NBAS: variants seen among roughly 807,000 people sequenced by gnomAD.
NBAS encodes the protein NAG/BC035112 fusion.
NBAS carries 219 observed loss-of-function variants against 302.5 expected under a neutral mutation model. The ratio of observed to expected loss-of-function variants is 0.72; its 90% CI spans 0.65 to 0.81. The LOEUF (loss-of-function observed/expected upper bound fraction) is 0.81. Ranked by LOEUF, NBAS falls within the 30% of genes least tolerant of loss-of-function variation. NBAS has a pLI of 0.00. For missense variants in NBAS, 2,932 were observed against 2,841.6 expected, an observed-to-expected ratio of 1.03 and a Z score of -0.72; for synonymous variants, 1,118 against 1,021.6, an observed-to-expected ratio of 1.09 and a Z score of -1.80.
At chr2:14,913,480 A>T in the NBAS span, among the ~76,000 whole-genome samples, 4,107 of 152,328 alleles carry the variant, frequency 0.027, 199 homozygotes, top group African/African-American at 0.091. Context: ...TAAAACATAT[A>T]GGTGGTGGAG....
chr2:14,917,311 T>G, the NBAS span, among the ~76,000 whole-genome samples: 1 of 152,222 alleles, frequency 6.6e-6, no homozygotes, highest in East Asian at 1.9e-4. Flanking sequence ...CAAAGGGTTT[T>G]GGACTGAAAG....
the NBAS span, among the ~76,000 whole-genome samples, chr2:14,991,141 C>T: frequency 2.0e-5 from 3 of 152,028 alleles, no homozygotes; most frequent in South Asian, 2.1e-4. Flanking sequence ...CATGGGAGAA[C>T]GTGGGGACAT....
chr2:14,833,275 T>A, the NBAS span, among the ~76,000 whole-genome samples: 3 of 152,146 alleles, frequency 2.0e-5, no homozygotes, highest in Non-Finnish European at 4.4e-5. Flanking sequence ...GCCAAGTCCA[T>A]ACCGATACAT....
the NBAS span, among the ~76,000 whole-genome samples, chr2:14,989,355 C>G: frequency 6.8e-6 from 1 of 146,348 alleles, no homozygotes; most frequent in African/African-American, 2.5e-5. Context: ...GTCAGAAGTG[C>G]GAGACCAGCC....
the NBAS span, among the ~76,000 whole-genome samples, chr2:15,056,520 G>A: frequency 6.6e-6 from 1 of 152,336 alleles, no homozygotes; most frequent in East Asian, 1.9e-4. Context: ...TCGAATGGGA[G>A]TGTTTGTGTC....
intron 42 of NBAS, among the ~76,000 whole-genome samples, chr2:15,280,730 C>G (rs1669787650): frequency 6.6e-6 from 1 of 152,132 alleles, no homozygotes; most frequent in Admixed American, 6.5e-5. Flanking sequence ...AAGGCTAACC[C>G]TAAGAGCATG....
the NBAS span, among the ~76,000 whole-genome samples, chr2:15,061,694 C>T: frequency 6.6e-6 from 1 of 152,202 alleles, no homozygotes; most frequent in African/African-American, 2.4e-5. Context: ...TAGCATACTC[C>T]AGAAGGCTGT....
the NBAS span, among the ~76,000 whole-genome samples, chr2:14,974,506 T>C: frequency 2.0e-5 from 3 of 152,348 alleles, no homozygotes; most frequent in Non-Finnish European, 4.4e-5. Flanking sequence ...GATGAGCTAA[T>C]TGACTATCCT....
chr2:14,923,605 T>C, the NBAS span, among the ~76,000 whole-genome samples: 2 of 152,158 alleles, frequency 1.3e-5, no homozygotes, highest in African/African-American at 4.8e-5. Context: ...TAGGGGTGTA[T>C]CCATTAGACA....
chr2:15,494,601 A>G (rs1680996912), intron 11 of NBAS, among the ~76,000 whole-genome samples: 1 of 152,208 alleles, frequency 6.6e-6, no homozygotes, highest in Admixed American at 6.5e-5. Flanking sequence ...TCTAACTAGT[A>G]CTTTACCTAG....
At chr2:14,951,667 A>G in the NBAS span, among the ~76,000 whole-genome samples, 1 of 152,238 alleles carries the variant, frequency 6.6e-6, no homozygotes, top group Admixed American at 6.5e-5. Context: ...GCTCCCTTTT[A>G]TTGAATACTG....
intron 28 of NBAS, chr2:15,393,610 G>GAAATGAAAGCGTATGGCTACAC: frequency 2.4e-6 from 1 of 423,312 alleles, no homozygotes; most frequent in Non-Finnish European, 4.9e-6. Flanking sequence ...TTGTCTGAGA[G>GAAATGAAAGCGTATGGCTACAC]AAATGAAAGC....
intron 25 of NBAS, among the ~76,000 whole-genome samples, chr2:15,404,362 C>T (rs1676303169): frequency 6.6e-6 from 1 of 152,042 alleles, no homozygotes; most frequent in Non-Finnish European, 1.5e-5. Flanking sequence ...GAAAACATCC[C>T]TGGAAGATAA....
intron 40 of NBAS, among the ~76,000 whole-genome samples, chr2:15,296,938 C>G (rs891899344): frequency 5.9e-5 from 9 of 152,250 alleles, no homozygotes; most frequent in African/African-American, 2.2e-4. Context: ...TTAACCTCTT[C>G]TCACTTACTA....
At chr2:14,917,548 T>A in the NBAS span, among the ~76,000 whole-genome samples, 1 of 152,218 alleles carries the variant, frequency 6.6e-6, no homozygotes, top group Non-Finnish European at 1.5e-5. Flanking sequence ...AAGGTATGAA[T>A]TAGAAGGTGT....
chr2:15,449,831 C>G (rs1367920747), intron 21 of NBAS, among the ~76,000 whole-genome samples: 1 of 152,198 alleles, frequency 6.6e-6, no homozygotes, highest in Non-Finnish European at 1.5e-5. Context: ...GGACAGTCAC[C>G]TCAGAAGGCC....
At position 15,511,474 on chromosome 2, in the gene NBAS, C is replaced by T. The variant is rs906764738; in HGVS notation, c.747-124G>A. 7 of 829,626 alleles carry T rather than the reference C, an allele frequency of 8.4e-6. No individual in the cohort carries two copies. The African/African-American group carries it at 1.0e-4, about 12-fold the overall frequency. The allele number at this position is 829,626 out of a possible 1,614,324, so 51.4% of individuals were successfully genotyped here. The stretch of plus-strand genomic sequence containing the variant: ...CAAGTACTATTAATATATGTTAAAC[C>T]TAGAAGGTAAATATTTCAGAGGAAA... On this transcript the variant is annotated intron_variant, in intron 9 of 51. Transcript: ENST00000281513.
intron 6 of NBAS, among the ~76,000 whole-genome samples, chr2:15,543,703 A>G (rs1031648891): frequency 6.6e-6 from 1 of 152,190 alleles, no homozygotes; most frequent in Admixed American, 6.5e-5. Flanking sequence ...CACTATCACA[A>G]GAACAATATG....
At chr2:14,867,491 C>G in the NBAS span, among the ~76,000 whole-genome samples, 1 of 152,182 alleles carries the variant, frequency 6.6e-6, no homozygotes, top group Admixed American at 6.5e-5. Context: ...TTGGCAAGGT[C>G]TGTATTTTAA....
Sources: allele counts gnomAD v4.1 joint callset (sites outside exome capture counted in the v4.1 genomes callset), GRCh38; gene constraint gnomAD v4.1.1; transcripts MANE v1.5; gene names NCBI Gene and HGNC (gene_info 2026-07-23, HGNC 2026-07-21).